PTPRG: variants seen among roughly 807,000 people sequenced by gnomAD.
The protein encoded by PTPRG is protein tyrosine phosphatase receptor type G.
A neutral mutation model predicts 165.3 loss-of-function variants in PTPRG; 102 were observed. That is an observed-to-expected ratio of 0.62 (90% CI 0.53 to 0.73). The LOEUF (loss-of-function observed/expected upper bound fraction) is 0.73, where lower values mean the gene tolerates loss of function less well. PTPRG is among the 30% of genes least tolerant of loss of function. The pLI, the probability that PTPRG is intolerant of heterozygous loss-of-function variation, is 0.00. For synonymous variants in PTPRG, 675 were observed against 669.5 expected, an observed-to-expected ratio of 1.01 and a Z score of -0.13; for missense variants, 1,866 against 1,861.4, an observed-to-expected ratio of 1.00 and a Z score of -0.05.
intron 2 of PTPRG, among the ~76,000 whole-genome samples, chr3:61,832,633 G>A (rs2036330301): frequency 2.0e-5 from 3 of 152,260 alleles, no homozygotes; most frequent in Admixed American, 2.0e-4. Flanking sequence ...TTTTATAGCT[G>A]AGAAAACTGA....
Position 61,717,355 on chromosome 3 carries a change from G to C in PTPRG, c.86-31523G>C, listed in dbSNP as rs377210780. Among the ~76,000 whole-genome samples the C allele has an allele frequency of 2.8e-4, 43 of 152,286 alleles. 1 individual carries two copies. The East Asian group carries it at 6.0e-3, about 21-fold the overall frequency. ...TACAGATGAGGAAACTAAGGACTGA[G>C]TTTTTATAGCCAAAGGCAATAGACC... On this transcript the variant is annotated intron_variant, in intron 1 of 29. Transcript: ENST00000474889.
chr3:61,909,368 G>C (rs1367420076), intron 2 of PTPRG, among the ~76,000 whole-genome samples: 1 of 151,994 alleles, frequency 6.6e-6, no homozygotes, highest in Non-Finnish European at 1.5e-5. Context: ...TTCATTTTTT[G>C]AGATAGGGTC....
intron 1 of PTPRG, chr3:61,742,581 G>C: frequency 6.3e-6 from 10 of 1,592,686 alleles, no homozygotes; most frequent in Non-Finnish European, 7.7e-6. Flanking sequence ...CAAGCTCATC[G>C]GCTGTCATCT....
intron 2 of PTPRG, among the ~76,000 whole-genome samples, chr3:61,846,876 C>T (rs970384934): frequency 6.6e-6 from 1 of 152,156 alleles, no homozygotes; most frequent in Non-Finnish European, 1.5e-5. Flanking sequence ...GATGGCACCA[C>T]TGCACTCCAG....
At chr3:61,808,969 G>GT (rs1313803244) in intron 2 of PTPRG, among the ~76,000 whole-genome samples, 1 of 148,966 alleles carries the variant, frequency 6.7e-6, no homozygotes, top group Non-Finnish European at 1.5e-5. Context: ...GATTTAATCT[G>GT]TTTTTGCTAT....
At chr3:62,011,178 T>C (rs190380962) in intron 4 of PTPRG, among the ~76,000 whole-genome samples, 7 of 152,306 alleles carry the variant, frequency 4.6e-5, no homozygotes, top group Non-Finnish European at 7.4e-5. Context: ...CTGCTTCATA[T>C]TGATTTATTT....
chr3:61,640,350 C>G (rs1241828667), intron 1 of PTPRG, among the ~76,000 whole-genome samples: 1 of 152,116 alleles, frequency 6.6e-6, no homozygotes, highest in African/African-American at 2.4e-5. Context: ...GGGGTATACA[C>G]CTGGGGCCAT....
At chr3:61,733,006 T>C (rs1288996266) in intron 1 of PTPRG, among the ~76,000 whole-genome samples, 1 of 152,204 alleles carries the variant, frequency 6.6e-6, no homozygotes, top group Non-Finnish European at 1.5e-5. Context: ...ACTTTTATTA[T>C]AGTATTTTTA....
At position 61,606,764 on chromosome 3, in the gene PTPRG, G is replaced by T. The variant is rs114526415; in HGVS notation, c.85+44392G>T. On this transcript the variant is annotated intron_variant, in intron 1 of 29. Transcript: ENST00000474889. ...AGGCAGCTTTCCTGGAGGCGCTGTGGGTCCTCTTTTATAAGGGCCTTAATT... is the reference window on the plus strand; with the variant it reads ...AGGCAGCTTTCCTGGAGGCGCTGTGTGTCCTCTTTTATAAGGGCCTTAATT... Among the ~76,000 whole-genome samples, 592 of 152,260 alleles carry T rather than the reference G, an allele frequency of 3.9e-3. 3 individuals carry two copies. Among genetic ancestry groups the T allele is most frequent in the African/African-American group, 0.013 (556 of 41,548 alleles).
chr3:61,649,493 T>C (rs1183675299), intron 1 of PTPRG, among the ~76,000 whole-genome samples: 1 of 152,134 alleles, frequency 6.6e-6, no homozygotes, highest in Non-Finnish European at 1.5e-5. Flanking sequence ...CATGCAGAAG[T>C]GGAAAAACAA....
intron 2 of PTPRG, among the ~76,000 whole-genome samples, chr3:61,843,582 T>C (rs2036714350): frequency 3.9e-5 from 6 of 152,206 alleles, no homozygotes; most frequent in Admixed American, 3.9e-4. Flanking sequence ...TTAATAATGT[T>C]GGCAGTTCCT....
chr3:61,613,891 C>T (rs1328369471), intron 1 of PTPRG, among the ~76,000 whole-genome samples: 1 of 152,158 alleles, frequency 6.6e-6, no homozygotes, highest in Non-Finnish European at 1.5e-5. Flanking sequence ...AGAGTAATCT[C>T]AGGGCATGGC....
At chr3:62,264,542 C>T (rs536784596) in intron 17 of PTPRG, among the ~76,000 whole-genome samples, 3 of 152,234 alleles carry the variant, frequency 2.0e-5, no homozygotes, top group Non-Finnish European at 2.9e-5. Context: ...CAGATTCATA[C>T]TATATGTGAC....
chr3:61,867,283 A>C (rs1575735661), intron 2 of PTPRG, among the ~76,000 whole-genome samples: 1 of 152,106 alleles, frequency 6.6e-6, no homozygotes, highest in East Asian at 1.9e-4. Flanking sequence ...AGCAGCCCCC[A>C]TTGAGCTGAC....
intron 4 of PTPRG, among the ~76,000 whole-genome samples, chr3:62,056,769 C>T (rs1308139938): frequency 2.0e-5 from 3 of 152,162 alleles, no homozygotes; most frequent in Non-Finnish European, 4.4e-5. Flanking sequence ...AGAGGAATGA[C>T]ATGTGGCTAA....
chr3:61,829,383 C>T (rs1559635785), intron 2 of PTPRG, among the ~76,000 whole-genome samples: 2 of 152,352 alleles, frequency 1.3e-5, no homozygotes, highest in East Asian at 3.9e-4. Flanking sequence ...CTTTCTGTTT[C>T]CGTGGCCAGG....
At chr3:61,896,418 A>G (rs1222016777) in intron 2 of PTPRG, among the ~76,000 whole-genome samples, 2 of 152,202 alleles carry the variant, frequency 1.3e-5, no homozygotes, top group African/African-American at 4.8e-5. Flanking sequence ...TAATATGCCA[A>G]GGTGTAGATG....
At chr3:61,694,810 C>T (rs1464038953) in intron 1 of PTPRG, among the ~76,000 whole-genome samples, 4 of 152,114 alleles carry the variant, frequency 2.6e-5, no homozygotes, top group Non-Finnish European at 4.4e-5. Context: ...AGAATTTGTA[C>T]GGTGTTCTGT....
At chr3:61,856,158 A>G (rs1276727958) in intron 2 of PTPRG, among the ~76,000 whole-genome samples, 1 of 151,864 alleles carries the variant, frequency 6.6e-6, no homozygotes, top group Non-Finnish European at 1.5e-5. Flanking sequence ...AATACACATA[A>G]CATAAAATTT....
Sources: allele counts gnomAD v4.1 joint callset (sites outside exome capture counted in the v4.1 genomes callset), GRCh38; gene constraint gnomAD v4.1.1; transcripts MANE v1.5; gene names NCBI Gene and HGNC (gene_info 2026-07-23, HGNC 2026-07-21).